NEGR1: variants seen among roughly 807,000 people sequenced by gnomAD.
NEGR1 encodes neuronal growth regulator 1, also known as IgLON family member 4.
In NEGR1, 10 loss-of-function variants were observed where a neutral mutation model predicts 40.9. That is an observed-to-expected ratio of 0.24 (90% confidence interval 0.15 to 0.42). NEGR1 has a LOEUF of 0.42. Among genes scored for constraint, NEGR1 ranks in the 10% least tolerant of loss-of-function variants. The pLI is 1.00. For missense variants in NEGR1, 352 were observed against 438.9 expected, an observed-to-expected ratio of 0.80 and a Z score of 1.77; for synonymous variants, 185 against 166.8, an observed-to-expected ratio of 1.11 and a Z score of -0.84.
rs557181498 is a variant in NEGR1, at chr1:72,180,878, G to T, written c.176+101441C>A. ...TTACAGATTCTGACTTCCTCCTCTG[G>T]ATCCTTGCAGCAGTTAGTTTGGGAT... On this transcript the variant is annotated intron_variant, in intron 1 of 6. Transcript: ENST00000357731. Among the ~76,000 whole-genome samples, 161 of 152,126 alleles carry T rather than the reference G, an allele frequency of 1.1e-3. 1 individual carries two copies. The highest frequency in any genetic ancestry group is 3.6e-3 in the African/African-American group (149 of 41,524).
chr1:71,949,676 A>G (rs1311894518), intron 1 of NEGR1, among the ~76,000 whole-genome samples: 2 of 152,194 alleles, frequency 1.3e-5, no homozygotes, highest in African/African-American at 4.8e-5. Flanking sequence ...GTTTCAAATT[A>G]TCCTAAATTG....
At chr1:71,678,812 C>T (rs914307259) in intron 4 of NEGR1, among the ~76,000 whole-genome samples, 3 of 152,000 alleles carry the variant, frequency 2.0e-5, no homozygotes, top group Non-Finnish European at 2.9e-5. Context: ...ATGGCAAATT[C>T]GGGGAACTGA....
intron 1 of NEGR1, among the ~76,000 whole-genome samples, chr1:72,037,514 A>G (rs1646913514): frequency 1.3e-5 from 2 of 152,252 alleles, no homozygotes; most frequent in Admixed American, 1.3e-4. Context: ...TCCATCATTA[A>G]CCAATTGTGC....
intron 2 of NEGR1, among the ~76,000 whole-genome samples, chr1:71,831,157 C>A (rs1326279353): frequency 6.6e-6 from 1 of 151,612 alleles, no homozygotes; most frequent in Non-Finnish European, 1.5e-5. Flanking sequence ...AGTATGCTGT[C>A]TTTTAGGACA....
intron 6 of NEGR1, among the ~76,000 whole-genome samples, chr1:71,438,370 T>C (rs1646523846): frequency 6.6e-6 from 1 of 152,232 alleles, no homozygotes; most frequent in Non-Finnish European, 1.5e-5. Flanking sequence ...CAAATTATAA[T>C]GACACTTCAA....
chr1:71,494,850 G>A (rs1646951613), intron 6 of NEGR1, among the ~76,000 whole-genome samples: 1 of 151,944 alleles, frequency 6.6e-6, no homozygotes, highest in African/African-American at 2.4e-5. Flanking sequence ...AACAGTGTGG[G>A]TTTGAGCTGC....
intron 2 of NEGR1, among the ~76,000 whole-genome samples, chr1:71,899,378 A>C (rs955464853): frequency 6.6e-6 from 1 of 152,080 alleles, no homozygotes; most frequent in Non-Finnish European, 1.5e-5. Flanking sequence ...GCAGATGGGA[A>C]GGCAGATAGG....
intron 2 of NEGR1, among the ~76,000 whole-genome samples, chr1:71,898,440 C>T (rs1447036077): frequency 6.6e-6 from 1 of 152,066 alleles, no homozygotes; most frequent in Non-Finnish European, 1.5e-5. Flanking sequence ...ACATTGAAAC[C>T]CCGTCTCTAC....
intron 1 of NEGR1, among the ~76,000 whole-genome samples, chr1:72,202,129 G>A (rs1653239028): frequency 6.6e-6 from 1 of 151,842 alleles, no homozygotes; most frequent in African/African-American, 2.4e-5. Context: ...ACAGTAATCT[G>A]TAATTAGTGA....
intron 3 of NEGR1, among the ~76,000 whole-genome samples, chr1:71,703,606 T>C (rs1653776066): frequency 6.7e-6 from 1 of 149,538 alleles, no homozygotes; most frequent in African/African-American, 2.5e-5. Flanking sequence ...TAGAAAAAAA[T>C]GACACAACGT....
intron 1 of NEGR1, among the ~76,000 whole-genome samples, chr1:72,147,659 GAGACA>G (rs1418657996): frequency 2.0e-5 from 3 of 152,104 alleles, no homozygotes; most frequent in African/African-American, 7.2e-5. Context: ...AAGTCTGACT[GAGACA>G]AGACAAGTCC....
At chr1:72,106,042 G>C (rs1010305459) in intron 1 of NEGR1, among the ~76,000 whole-genome samples, 1 of 152,146 alleles carries the variant, frequency 6.6e-6, no homozygotes, top group Admixed American at 6.6e-5. Context: ...TTTTTGAGGA[G>C]GAGAAACAAT....
chr1:71,996,619 A>T (rs148527035), intron 1 of NEGR1, among the ~76,000 whole-genome samples: 1 of 152,194 alleles, frequency 6.6e-6, no homozygotes, highest in East Asian at 1.9e-4. Flanking sequence ...TGTCAAGGCT[A>T]CTTCCTCAAC....
chr1:72,039,763 T>C (rs929502636), intron 1 of NEGR1, among the ~76,000 whole-genome samples: 1 of 151,910 alleles, frequency 6.6e-6, no homozygotes, highest in Non-Finnish European at 1.5e-5. Context: ...CAAATACCAA[T>C]AGCATGCCAA....
intron 3 of NEGR1, among the ~76,000 whole-genome samples, chr1:71,711,322 C>T (rs1198780600): frequency 6.3e-5 from 7 of 111,002 alleles, no homozygotes; most frequent in Non-Finnish European, 1.0e-4. Context: ...CCAGCCTGTG[C>T]GACAGAGCGA....
At chr1:71,895,803 A>T (rs1660955005) in intron 2 of NEGR1, among the ~76,000 whole-genome samples, 1 of 152,104 alleles carries the variant, frequency 6.6e-6, no homozygotes, top group African/African-American at 2.4e-5. Flanking sequence ...ATTTTACTGG[A>T]TGTATACCTA....
chr1:71,670,840 C>T (rs1030003571), intron 4 of NEGR1, among the ~76,000 whole-genome samples: 5 of 152,100 alleles, frequency 3.3e-5, no homozygotes, highest in Non-Finnish European at 7.3e-5. Context: ...TGCCCTCAAC[C>T]TCAAATCAGC....
intron 1 of NEGR1, among the ~76,000 whole-genome samples, chr1:72,050,466 G>A (rs754366897): frequency 1.1e-4 from 17 of 151,434 alleles, no homozygotes; most frequent in Admixed American, 4.0e-4. Flanking sequence ...CCTATTAGCC[G>A]ACTTATTAAA....
intron 1 of NEGR1, among the ~76,000 whole-genome samples, chr1:72,040,361 T>A (rs1385918): frequency 0.25 from 38,182 of 151,464 alleles, 6,874 homozygotes; most frequent in African/African-American, 0.51. Context: ...TCACATAGAA[T>A]GAACCATTCT....
Sources: gnomAD v4.1 joint callset for allele counts (sites outside exome capture counted in the v4.1 genomes callset) on GRCh38, gnomAD v4.1.1 for gene constraint, MANE v1.5 for transcripts, NCBI Gene and HGNC (gene_info 2026-07-23, HGNC 2026-07-21) for gene names.